Variants in RSPH14 observed in about 807,000 individuals in gnomAD.
The protein encoded by RSPH14 is rhabdoid tumor deletion region gene 1.
A neutral mutation model predicts 26.7 loss-of-function variants in RSPH14; 20 were observed. The observed-to-expected ratio is 0.75, with a 90% CI of 0.53 to 1.09. RSPH14 has a LOEUF of 1.09. Ranked by LOEUF, RSPH14 falls within the 50% of genes least tolerant of loss-of-function variation. The pLI, the probability that RSPH14 is intolerant of heterozygous loss-of-function variation, is 0.00. For missense variants in RSPH14, 449 were observed against 457.2 expected, an observed-to-expected ratio of 0.98 and a Z score of 0.16; for synonymous variants, 177 against 189.3, an observed-to-expected ratio of 0.93 and a Z score of 0.53.
intron 1 of RSPH14, among the ~76,000 whole-genome samples, chr22:23,141,028 A>G (rs2070589895): frequency 6.6e-6 from 1 of 152,154 alleles, no homozygotes; most frequent in East Asian, 1.9e-4. Context: ...AAAAGGAATT[A>G]ATGTTAAAAG....
At chr22:23,120,383 C>T (rs1361560418) in intron 4 of RSPH14, among the ~76,000 whole-genome samples, 6 of 152,060 alleles carry the variant, frequency 3.9e-5, no homozygotes, top group Admixed American at 1.3e-4. Context: ...CGTGGTCTAT[C>T]GGCCCCTCCC....
At chr22:23,167,250 C>T in the RSPH14 span, among the ~76,000 whole-genome samples, 10 of 152,292 alleles carry the variant, frequency 6.6e-5, no homozygotes, top group African/African-American at 2.4e-4. Context: ...GGAGTTTATT[C>T]GCATGGCCCC....
At chr22:23,074,865 C>A (rs1333067192) in intron 4 of RSPH14, among the ~76,000 whole-genome samples, 1 of 151,996 alleles carries the variant, frequency 6.6e-6, no homozygotes. Flanking sequence ...ATTTTGGGGG[C>A]CCCCATTTGA....
chr22:23,130,086 AG>A (rs2059735055), intron 4 of RSPH14, among the ~76,000 whole-genome samples: 5 of 15,560 alleles, frequency 3.2e-4, no homozygotes, highest in African/African-American at 7.5e-4. Context: ...AAAGAAAGGA[AG>A]AAAGAAAGAA....
Position 23,134,162 on chromosome 22 carries a change from G to A in RSPH14, c.303-18C>T, listed in dbSNP as rs1203008161. ...AGGCGTATCTAGGGAAGGGAGGGTG[G>A]ACAGTGACATAAGTGAGACCATGCC... On this transcript the variant is annotated intron_variant, in intron 3 of 6. Coordinates refer to ENST00000216036, the MANE Select transcript of RSPH14 (RefSeq NM_014433.3). 6.3e-7 allele frequency: 1 copy of A among 1,575,316 alleles called. No individual in the cohort carries two copies. The highest frequency in any genetic ancestry group is 8.7e-7 in the Non-Finnish European group (1 of 1,149,630).
intron 3 of RSPH14, among the ~76,000 whole-genome samples, chr22:23,134,456 T>C (rs1175374370): frequency 6.7e-6 from 1 of 148,858 alleles, no homozygotes; most frequent in Non-Finnish European, 1.5e-5. Flanking sequence ...GGCAAGCCAA[T>C]TAGATGAGAA....
At chr22:23,178,083 G>A in the RSPH14 span, among the ~76,000 whole-genome samples, 1 of 152,096 alleles carries the variant, frequency 6.6e-6, no homozygotes. Flanking sequence ...TTACAGGCAT[G>A]GGCCACTGTG....
the RSPH14 span, among the ~76,000 whole-genome samples, chr22:23,167,006 C>T: frequency 2.0e-5 from 3 of 152,100 alleles, no homozygotes; most frequent in East Asian, 1.9e-4. Context: ...CTACCACCCC[C>T]GCCCTGTCCC....
chr22:23,134,084 G>C lies in RSPH14; in HGVS notation c.363C>G (p.Ser121Arg), dbSNP rs140985460. The C allele has an allele frequency of 6.8e-6, 11 of 1,613,600 alleles. No homozygotes were observed. Among genetic ancestry groups the C allele is most frequent in the Non-Finnish European group, 9.3e-6 (11 of 1,179,758 alleles). The change falls in exon 4 of 7, where the codon AGC becomes AGG. Residue 121 changes from serine (S) to arginine (R), a missense_variant. Ser to Arg is a moderately radical substitution (Grantham distance 110, BLOSUM62 -1). Transcript: ENST00000216036. The stretch of plus-strand genomic sequence containing the variant: ...TGTACAGGTTCCCCCGGCAGACTGG[G>C]CTGGGGTCATTCAGCAGGAAGGACA... ...LALSFLLNDP[S>R]PVCRGNLYKA...
At chr22:23,100,460 G>T (rs905005832) in intron 4 of RSPH14, among the ~76,000 whole-genome samples, 1 of 152,208 alleles carries the variant, frequency 6.6e-6, no homozygotes, top group African/African-American at 2.4e-5. Context: ...TCCAGGGGAC[G>T]GGGGACATAA....
chr22:23,175,261 G>C, the RSPH14 span, among the ~76,000 whole-genome samples: 1 of 152,076 alleles, frequency 6.6e-6, no homozygotes, highest in African/African-American at 2.4e-5. Context: ...GCCTCCCAAA[G>C]TGCTGGGATT....
chr22:23,152,383 A>G, the RSPH14 span: 4 of 1,462,138 alleles, frequency 2.7e-6, no homozygotes, highest in Non-Finnish European at 3.8e-6. Context: ...CAGAGAGCTC[A>G]GGGAAGGAAG....
chr22:23,070,513 C>CGCCCT lies in RSPH14; in HGVS notation c.422-6381_422-6380insAGGGC, dbSNP rs549891937. The stretch of plus-strand genomic sequence containing the variant: ...CGCCGCGGCCCCGTGCTCGCCGCCC[C>CGCCCT]GCCCCGCCCCGCCCTGCCCGGAGCA... On this transcript the variant is annotated intron_variant, in intron 4 of 6. Coordinates refer to ENST00000216036, the MANE Select transcript of RSPH14 (RefSeq NM_014433.3). The CGCCCT allele has an allele frequency of 8.9e-4, 134 of 150,914 alleles. 2 individuals are homozygous for CGCCCT. Among genetic ancestry groups the CGCCCT allele is most frequent in the African/African-American group, 3.1e-3 (130 of 41,338 alleles). 9.3% of individuals were successfully genotyped at this position (150,914 alleles called of 1,614,324 possible).
At chr22:23,156,298 G>A in the RSPH14 span, 4 of 382,628 alleles carry the variant, frequency 1.0e-5, no homozygotes, top group African/African-American at 6.5e-5. Flanking sequence ...TCATAAAGAT[G>A]CTCAGAGATG....
intron 4 of RSPH14, among the ~76,000 whole-genome samples, chr22:23,088,315 G>A (rs2068870875): frequency 6.6e-6 from 1 of 152,108 alleles, no homozygotes; most frequent in African/African-American, 2.4e-5. Flanking sequence ...GCTTGGGGTT[G>A]GAGCCTTACC....
chr22:23,150,836 T>C, the RSPH14 span, among the ~76,000 whole-genome samples: 1 of 152,116 alleles, frequency 6.6e-6, no homozygotes, highest in Non-Finnish European at 1.5e-5. Context: ...GCCCCTGGAC[T>C]GGGGAGGGTA....
chr22:23,086,297 C>T (rs1004356197), intron 4 of RSPH14, among the ~76,000 whole-genome samples: 4 of 152,198 alleles, frequency 2.6e-5, no homozygotes, highest in African/African-American at 7.2e-5. Flanking sequence ...CAGGCCACCC[C>T]GGGAAATCAC....
chr22:23,157,151 C>T, the RSPH14 span, among the ~76,000 whole-genome samples: 1 of 152,202 alleles, frequency 6.6e-6, no homozygotes, highest in African/African-American at 2.4e-5. Flanking sequence ...CGGTTTTCTG[C>T]CCACCTGGCT....
At chr22:23,113,032 A>C (rs1476380144) in intron 4 of RSPH14, among the ~76,000 whole-genome samples, 1 of 151,390 alleles carries the variant, frequency 6.6e-6, no homozygotes, top group Non-Finnish European at 1.5e-5. Flanking sequence ...TGCTCTGAGC[A>C]TAGCAGCCCC....
Sources: allele counts gnomAD v4.1 joint callset (sites outside exome capture counted in the v4.1 genomes callset), GRCh38; gene constraint gnomAD v4.1.1; transcripts MANE v1.5; gene names NCBI Gene and HGNC (gene_info 2026-07-23, HGNC 2026-07-21).